TMEM117: variants seen among roughly 807,000 people sequenced by gnomAD.
TMEM117 encodes the protein transmembrane protein 117.
TMEM117 carries 27 observed loss-of-function variants against 52.4 expected under a neutral mutation model. The ratio of observed to expected loss-of-function variants is 0.51; its 90% confidence interval spans 0.38 to 0.71. The LOEUF (loss-of-function observed/expected upper bound fraction) is 0.71. Among genes scored for constraint, TMEM117 ranks in the 30% least tolerant of loss-of-function variants. The probability of loss-of-function intolerance (pLI) is 0.00; values close to 1 mark genes in which losing one functional copy is unlikely to be tolerated. For missense variants in TMEM117, 556 were observed against 630.5 expected, an observed-to-expected ratio of 0.88 and a Z score of 1.26; for synonymous variants, 215 against 206.3, an observed-to-expected ratio of 1.04 and a Z score of -0.36.
chr12:44,236,267 G>A (rs1949995788), intron 5 of TMEM117, among the ~76,000 whole-genome samples: 1 of 151,550 alleles, frequency 6.6e-6, no homozygotes, highest in Non-Finnish European at 1.5e-5. Flanking sequence ...TACATATTAA[G>A]CCTTCTTTGT....
intron 4 of TMEM117, among the ~76,000 whole-genome samples, chr12:44,198,995 G>T (rs533381006): frequency 6.6e-6 from 1 of 152,286 alleles, no homozygotes; most frequent in East Asian, 1.9e-4. Context: ...AATATGCTTA[G>T]AAGCAGAGAA....
At chr12:44,135,964 T>A (rs570129565) in intron 3 of TMEM117, among the ~76,000 whole-genome samples, 1 of 152,334 alleles carries the variant, frequency 6.6e-6, no homozygotes, top group Admixed American at 6.5e-5. Context: ...TTTTATGCCC[T>A]TCTAATTAGT....
At chr12:44,262,033 G>C (rs1292470614) in intron 5 of TMEM117, among the ~76,000 whole-genome samples, 1 of 152,202 alleles carries the variant, frequency 6.6e-6, no homozygotes, top group African/African-American at 2.4e-5. Context: ...TCCATGTGGA[G>C]TTTTTATAAA....
At chr12:44,051,930 A>T (rs1322089456) in intron 3 of TMEM117, among the ~76,000 whole-genome samples, 1 of 152,226 alleles carries the variant, frequency 6.6e-6, no homozygotes, top group Non-Finnish European at 1.5e-5. Context: ...GATGCATTAA[A>T]TAAGGGCACT....
chr12:44,134,391 G>A (rs1230607048), intron 3 of TMEM117, among the ~76,000 whole-genome samples: 2 of 151,936 alleles, frequency 1.3e-5, no homozygotes, highest in Non-Finnish European at 2.9e-5. Context: ...TAATTTTTTG[G>A]TTTTGTAGAG....
chr12:44,072,073 T>C (rs751953063), intron 3 of TMEM117, among the ~76,000 whole-genome samples: 8 of 152,192 alleles, frequency 5.3e-5, no homozygotes, highest in Non-Finnish European at 1.2e-4. Flanking sequence ...AGTTGGTAGA[T>C]TGATGCACTT....
At chr12:44,234,760 ACTTAT>A (rs1298879820) in intron 5 of TMEM117, among the ~76,000 whole-genome samples, 1 of 151,436 alleles carries the variant, frequency 6.6e-6, no homozygotes, top group Non-Finnish European at 1.5e-5. Flanking sequence ...AGCATTGTTT[ACTTAT>A]CTATTATTTA....
At chr12:44,342,476 G>T (rs1467810473) in intron 6 of TMEM117, among the ~76,000 whole-genome samples, 1 of 152,072 alleles carries the variant, frequency 6.6e-6, no homozygotes, top group Non-Finnish European at 1.5e-5. Context: ...CCCCTGGCAA[G>T]ATTGCTGGCC....
At chr12:43,932,078 A>G (rs766267183) in intron 2 of TMEM117, among the ~76,000 whole-genome samples, 2 of 152,158 alleles carry the variant, frequency 1.3e-5, no homozygotes, top group Non-Finnish European at 2.9e-5. Flanking sequence ...TCCCGTATTT[A>G]CCATCATATT....
At chr12:44,322,126 T>C (rs184442093) in intron 6 of TMEM117, among the ~76,000 whole-genome samples, 11 of 152,332 alleles carry the variant, frequency 7.2e-5, no homozygotes, top group Non-Finnish European at 1.0e-4. Context: ...TGGCGACTTA[T>C]GTCAGAGAAG....
chr12:44,100,744 G>T (rs529137925), intron 3 of TMEM117, among the ~76,000 whole-genome samples: 8 of 152,002 alleles, frequency 5.3e-5, no homozygotes, highest in African/African-American at 1.4e-4. Flanking sequence ...TCAATGCACT[G>T]CAGGTTTTCT....
intron 3 of TMEM117, among the ~76,000 whole-genome samples, chr12:44,093,489 A>T (rs1431675650): frequency 1.3e-5 from 2 of 152,172 alleles, no homozygotes; most frequent in African/African-American, 4.8e-5. Flanking sequence ...GGGATGGAGG[A>T]CATTGGCACA....
At chr12:43,867,820 C>T (rs1386550860) in intron 2 of TMEM117, among the ~76,000 whole-genome samples, 4 of 152,058 alleles carry the variant, frequency 2.6e-5, no homozygotes, top group African/African-American at 7.3e-5. Flanking sequence ...AAGGCATAAT[C>T]GTAGGTAGAT....
chr12:44,050,486 G>GAGATTCTTA (rs1371194706), intron 3 of TMEM117, among the ~76,000 whole-genome samples: 1 of 152,186 alleles, frequency 6.6e-6, no homozygotes, highest in Non-Finnish European at 1.5e-5. Context: ...TAGAATAGCA[G>GAGATTCTTA]AGATTCTTAA....
upstream of TMEM117, among the ~76,000 whole-genome samples, chr12:43,833,404 T>C (rs189555105): frequency 1.5e-4 from 23 of 152,324 alleles, no homozygotes; most frequent in Admixed American, 5.2e-4. Flanking sequence ...AAATACAATA[T>C]ATTTTTCAGC....
At chr12:43,809,078 T>C in the TMEM117 span, among the ~76,000 whole-genome samples, 1 of 152,234 alleles carries the variant, frequency 6.6e-6, no homozygotes, top group African/African-American at 2.4e-5. Context: ...TGCCAAATAA[T>C]GACATTTTAA....
the TMEM117 span, among the ~76,000 whole-genome samples, chr12:44,396,802 C>T: frequency 1.4e-5 from 2 of 146,716 alleles, no homozygotes; most frequent in African/African-American, 2.5e-5. Flanking sequence ...TGCAGTGAGC[C>T]GAGATTGTGC....
At chr12:44,229,936 T>C (rs1301774015) in intron 5 of TMEM117, among the ~76,000 whole-genome samples, 1 of 152,150 alleles carries the variant, frequency 6.6e-6, no homozygotes, top group Non-Finnish European at 1.5e-5. Flanking sequence ...AAACTAACTT[T>C]GCATTTTAAA....
In TMEM117 at chr12:44,277,600, T is replaced by C. The variant is rs75363448; in HGVS notation, c.609-21980T>C. 2.4e-3 allele frequency among the ~76,000 whole-genome samples: 365 copies of C among 152,116 alleles called. 12 individuals carry two copies. The East Asian group carries it at 0.034, about 14-fold the overall frequency. ...GGCTGAACTCAGTTCCTTGCACTTA[T>C]AGAACTGAAGTCCCCATTTTCTTAT... On this transcript the variant is annotated intron_variant, in intron 5 of 7. Coordinates refer to ENST00000266534, the MANE Select transcript of TMEM117 (RefSeq NM_032256.3).
Sources: gnomAD v4.1 joint callset for allele counts (sites outside exome capture counted in the v4.1 genomes callset) on GRCh38, gnomAD v4.1.1 for gene constraint, MANE v1.5 for transcripts, NCBI Gene and HGNC (gene_info 2026-07-23, HGNC 2026-07-21) for gene names.